The following ADGRL3 variants were observed in gnomAD, a reference collection of about 807,000 sequenced individuals.
The protein encoded by ADGRL3 is calcium-independent alpha-latrotoxin receptor 3.
In ADGRL3, 62 loss-of-function variants were observed where a neutral mutation model predicts 153.5. That is an observed-to-expected ratio of 0.40 (90% CI 0.33 to 0.50). ADGRL3 has a LOEUF of 0.50. Among genes scored for constraint, ADGRL3 ranks in the 20% least tolerant of loss-of-function variants. The pLI is 0.47. For missense variants in ADGRL3, 1,641 were observed against 1,859.4 expected (o/e 0.88, Z 2.16); for synonymous variants, 710 against 672.5 (o/e 1.06, Z -0.86).
At chr4:61,700,680 G>A (rs1249957659) in intron 6 of ADGRL3, among the ~76,000 whole-genome samples, 1 of 152,144 alleles carries the variant, frequency 6.6e-6, no homozygotes, top group Non-Finnish European at 1.5e-5. Context: ...TTGAGCCATA[G>A]TGATTGTACA....
At chr4:61,674,536 A>G (rs2095121743) in intron 5 of ADGRL3, among the ~76,000 whole-genome samples, 1 of 151,842 alleles carries the variant, frequency 6.6e-6, no homozygotes, top group South Asian at 2.1e-4. Context: ...GGAGATATGT[A>G]TAAATATTCA....
intron 6 of ADGRL3, among the ~76,000 whole-genome samples, chr4:61,678,664 T>C (rs1386008213): frequency 6.6e-6 from 1 of 151,996 alleles, no homozygotes; most frequent in Non-Finnish European, 1.5e-5. Context: ...CTGATAATCC[T>C]GAAAGTTTAC....
intron 1 of ADGRL3, among the ~76,000 whole-genome samples, chr4:61,325,675 CATG>C (rs1214173572): frequency 1.3e-5 from 2 of 152,120 alleles, no homozygotes; most frequent in African/African-American, 2.4e-5. Context: ...TTTTTTCTAA[CATG>C]ATAAGTCTTT....
chr4:61,719,653 A>G (rs540003456), intron 6 of ADGRL3, among the ~76,000 whole-genome samples: 1 of 147,338 alleles, frequency 6.8e-6, no homozygotes, highest in African/African-American at 2.5e-5. Flanking sequence ...CCCAGGCTAG[A>G]GTGCAGTGGC....
At chr4:61,986,981 A>G (rs2099087690) in intron 19 of ADGRL3, among the ~76,000 whole-genome samples, 2 of 152,128 alleles carry the variant, frequency 1.3e-5, no homozygotes, top group African/African-American at 4.8e-5. Flanking sequence ...CTTAATCAAG[A>G]CATCACAGTG....
At chr4:61,861,704 A>G (rs1044782834) in intron 9 of ADGRL3, among the ~76,000 whole-genome samples, 2 of 152,072 alleles carry the variant, frequency 1.3e-5, no homozygotes, top group African/African-American at 4.8e-5. Flanking sequence ...TCTAGGGCAT[A>G]GTAGGATTGG....
intron 4 of ADGRL3, among the ~76,000 whole-genome samples, chr4:61,540,316 AG>A (rs1309612528): frequency 6.6e-6 from 1 of 152,180 alleles, no homozygotes; most frequent in African/African-American, 2.4e-5. Context: ...TGGGAGGCCA[AG>A]GCAGGCAGCT....
intron 1 of ADGRL3, among the ~76,000 whole-genome samples, chr4:61,255,378 G>A (rs146265720): frequency 1.3e-5 from 2 of 152,242 alleles, no homozygotes; most frequent in East Asian, 3.9e-4. Flanking sequence ...TTTTGTTTCT[G>A]TAAAATTTTT....
chr4:61,224,426 T>A (rs182189985), intron 1 of ADGRL3, among the ~76,000 whole-genome samples: 58 of 152,340 alleles, frequency 3.8e-4, no homozygotes, highest in Admixed American at 1.9e-3. Context: ...AATAGTTTCC[T>A]GATTAAAAAT....
intron 1 of ADGRL3, among the ~76,000 whole-genome samples, chr4:61,358,690 T>TC (rs2096233933): frequency 3.3e-5 from 5 of 152,052 alleles, no homozygotes; most frequent in African/African-American, 4.8e-5. Context: ...TTTCCTTGTA[T>TC]TTTTCTGGCA....
At chr4:61,570,674 G>T (rs912404012) in intron 4 of ADGRL3, among the ~76,000 whole-genome samples, 3 of 152,142 alleles carry the variant, frequency 2.0e-5, no homozygotes, top group African/African-American at 7.2e-5. Flanking sequence ...CGGAAATTAA[G>T]CTCCATGAGA....
intron 2 of ADGRL3, among the ~76,000 whole-genome samples, chr4:61,410,218 G>A (rs891436846): frequency 3.9e-5 from 6 of 151,954 alleles, no homozygotes; most frequent in African/African-American, 1.4e-4. Flanking sequence ...AGTAGCATTT[G>A]GAGATGAGCT....
intron 5 of ADGRL3, among the ~76,000 whole-genome samples, chr4:61,663,974 C>T (rs578185561): frequency 1.9e-4 from 29 of 152,234 alleles, no homozygotes; most frequent in Non-Finnish European, 3.4e-4. Flanking sequence ...GGTCAACTAA[C>T]GCAGTTATCA....
intron 21 of ADGRL3, among the ~76,000 whole-genome samples, chr4:62,027,098 A>G (rs1484146885): frequency 1.3e-5 from 2 of 152,062 alleles, no homozygotes; most frequent in Non-Finnish European, 2.9e-5. Context: ...CAGATGGAAT[A>G]TACTGATGCA....
intron 2 of ADGRL3, among the ~76,000 whole-genome samples, chr4:61,470,323 C>T (rs2152679434): frequency 6.6e-6 from 1 of 152,024 alleles, no homozygotes; most frequent in Non-Finnish European, 1.5e-5. Context: ...TTGTATTTAG[C>T]TGCTACAGGA....
chr4:61,307,421 C>CA (rs1480414841), intron 1 of ADGRL3, among the ~76,000 whole-genome samples: 12 of 152,208 alleles, frequency 7.9e-5, no homozygotes, highest in African/African-American at 2.6e-4. Flanking sequence ...GTACCTTGCC[C>CA]AAATTCACGT....
chr4:61,756,807 T>A (rs2096837846), intron 8 of ADGRL3, among the ~76,000 whole-genome samples: 1 of 152,162 alleles, frequency 6.6e-6, no homozygotes, highest in African/African-American at 2.4e-5. Flanking sequence ...AATACCTAAT[T>A]TATTGAGAGT....
At chr4:61,534,595 T>C (rs1317584586) in intron 4 of ADGRL3, among the ~76,000 whole-genome samples, 1 of 152,142 alleles carries the variant, frequency 6.6e-6, no homozygotes, top group Non-Finnish European at 1.5e-5. Context: ...TATTGGTTTA[T>C]GTAATCTACA....
intron 9 of ADGRL3, among the ~76,000 whole-genome samples, chr4:61,852,312 T>G (rs1004930152): frequency 6.6e-6 from 1 of 151,752 alleles, no homozygotes; most frequent in South Asian, 2.1e-4. Context: ...TATTTTATTT[T>G]ATTTTATTTT....
Sources: gnomAD v4.1 joint callset for allele counts (sites outside exome capture counted in the v4.1 genomes callset) on GRCh38, gnomAD v4.1.1 for gene constraint, MANE v1.5 for transcripts, NCBI Gene and HGNC (gene_info 2026-07-23, HGNC 2026-07-21) for gene names.